PACRG: variants seen among roughly 807,000 people sequenced by gnomAD.
PACRG encodes the protein parkin coregulated gene protein.
Under a neutral mutation model 29.7 loss-of-function variants are expected in PACRG, and 29 were observed. That is an observed-to-expected ratio of 0.98 (90% CI 0.73 to 1.33). The LOEUF (loss-of-function observed/expected upper bound fraction) is 1.33. PACRG is among the 40% of genes most tolerant of loss of function. The pLI is 0.00. For synonymous variants in PACRG, 116 were observed against 118.7 expected (o/e 0.98, Z 0.15); for missense variants, 279 against 316.2 (o/e 0.88, Z 0.89).
chr6:163,008,236 C>T (rs1486921337), intron 2 of PACRG, among the ~76,000 whole-genome samples: 1 of 152,118 alleles, frequency 6.6e-6, no homozygotes, highest in African/African-American at 2.4e-5. Context: ...GAGTATTGCT[C>T]AGGCCCTCAA....
At chr6:163,288,197 T>G (rs1784464462) in intron 4 of PACRG, among the ~76,000 whole-genome samples, 1 of 152,218 alleles carries the variant, frequency 6.6e-6, no homozygotes, top group Admixed American at 6.5e-5. Context: ...GTGTTTGAAG[T>G]GGGGCTGGCG....
intron 2 of PACRG, among the ~76,000 whole-genome samples, chr6:163,018,280 A>G (rs1806289732): frequency 6.6e-6 from 1 of 152,120 alleles, no homozygotes; most frequent in Admixed American, 6.5e-5. Flanking sequence ...AGCCATACTT[A>G]CCCTCCTTGC....
intron 3 of PACRG, among the ~76,000 whole-genome samples, chr6:163,084,974 C>G (rs1195551100): frequency 6.7e-6 from 1 of 149,522 alleles, no homozygotes; most frequent in East Asian, 2.0e-4. Context: ...TGTTTTATTG[C>G]AACCTTCGGC....
intron 2 of PACRG, among the ~76,000 whole-genome samples, chr6:162,935,384 G>C (rs576485680): frequency 8.0e-5 from 11 of 137,204 alleles, no homozygotes; most frequent in Admixed American, 7.9e-4. Flanking sequence ...TCTTCATTCT[G>C]TTTTATTCTT....
At chr6:162,874,237 C>T (rs1055264868) in intron 2 of PACRG, among the ~76,000 whole-genome samples, 1 of 151,536 alleles carries the variant, frequency 6.6e-6, no homozygotes, top group African/African-American at 2.4e-5. Context: ...ACTTCCTCCC[C>T]TCCAAATTCT....
At chr6:162,765,380 C>T (rs1047602956) in intron 1 of PACRG, among the ~76,000 whole-genome samples, 1 of 152,116 alleles carries the variant, frequency 6.6e-6, no homozygotes, top group African/African-American at 2.4e-5. Context: ...CAGTGCAACT[C>T]TACCCCCTTT....
Position 163,204,472 on chromosome 6 carries a change from T to A in PACRG, c.614-110355T>A, listed in dbSNP as rs992146226. On this transcript the variant is annotated intron_variant, in intron 4 of 4. Transcript: ENST00000366888. ...AACACTGACAGAGATGAAACACCCA[T>A]CCCATCTGTTATCCTTGTCCTCTTT... Among the ~76,000 whole-genome samples the A allele has an allele frequency of 4.6e-5, 7 of 152,204 alleles. No individual in the cohort carries two copies. In the South Asian group the frequency reaches 8.3e-4, roughly 18 times the overall value.
intron 2 of PACRG, among the ~76,000 whole-genome samples, chr6:162,909,281 C>T (rs1054896942): frequency 3.3e-5 from 5 of 152,140 alleles, no homozygotes; most frequent in African/African-American, 7.2e-5. Flanking sequence ...CTTGGCCAGG[C>T]GCGGGGGCTC....
chr6:162,778,969 G>A (rs1007870013), intron 1 of PACRG, among the ~76,000 whole-genome samples: 4 of 152,156 alleles, frequency 2.6e-5, no homozygotes, highest in African/African-American at 9.7e-5. Context: ...TGCACAGATG[G>A]ATCCATCCCC....
rs564522701 is a variant in PACRG at position 162,856,520 on chromosome 6, T to C, written c.291+42239T>C. ...GATCAGAGAATCATCCCGAGTCTCC[T>C]GCAGCCCTGGAGCATCTTCTGGTAG... On this transcript the variant is annotated intron_variant, in intron 2 of 4. Transcript: ENST00000366888. Among the ~76,000 whole-genome samples, 6 of 152,330 alleles carry C rather than the reference T, an allele frequency of 3.9e-5. No homozygotes were observed. The East Asian group carries it at 1.2e-3, about 29-fold the overall frequency.
At chr6:162,889,552 G>A (rs889378763) in intron 2 of PACRG, among the ~76,000 whole-genome samples, 1 of 152,188 alleles carries the variant, frequency 6.6e-6, no homozygotes, top group Non-Finnish European at 1.5e-5. Flanking sequence ...ATGCTCTCCA[G>A]TGACTTTTTA....
chr6:162,825,286 T>C (rs1166313926), intron 2 of PACRG, among the ~76,000 whole-genome samples: 1 of 152,194 alleles, frequency 6.6e-6, no homozygotes, highest in Non-Finnish European at 1.5e-5. Context: ...GTGCTTGGGA[T>C]TCAGTCTGAT....
chr6:162,856,137 G>T (rs1302738923), intron 2 of PACRG, among the ~76,000 whole-genome samples: 2 of 152,020 alleles, frequency 1.3e-5, no homozygotes, highest in South Asian at 4.1e-4. Context: ...GCTCAATGCG[G>T]CCTCGAACTT....
chr6:163,099,420 T>C (rs891982528), intron 4 of PACRG, among the ~76,000 whole-genome samples: 5 of 152,156 alleles, frequency 3.3e-5, no homozygotes, highest in Admixed American at 6.5e-5. Flanking sequence ...CAAGAGAAAA[T>C]AGCGTTCTTT....
In PACRG at chr6:163,231,699, C is replaced by T. The variant is rs138561033; in HGVS notation, c.614-83128C>T. Among the ~76,000 whole-genome samples the T allele has an allele frequency of 3.3e-5, 5 of 152,308 alleles. No homozygotes were observed. In the East Asian group the frequency reaches 7.7e-4, roughly 24 times the overall value. ...GCACCCACCAGGTGACTCCTTTTAC[C>T]CTCAACAAACTCCATCTGCCAGTCA... is the stretch of plus-strand genomic sequence containing the variant. On this transcript the variant is annotated intron_variant, in intron 4 of 4. Transcript: ENST00000366888.
At chr6:163,097,870 C>T (rs919639531) in intron 4 of PACRG, among the ~76,000 whole-genome samples, 4 of 152,096 alleles carry the variant, frequency 2.6e-5, no homozygotes, top group East Asian at 1.9e-4. Flanking sequence ...GTAGACTCTC[C>T]GTAAATCTCT....
chr6:162,944,405 A>C (rs958745603), intron 2 of PACRG, among the ~76,000 whole-genome samples: 1 of 152,210 alleles, frequency 6.6e-6, no homozygotes. Context: ...GGACACAAGA[A>C]ACATAAAAAA....
intron 2 of PACRG, among the ~76,000 whole-genome samples, chr6:162,844,972 G>A (rs1038937785): frequency 6.6e-6 from 1 of 152,024 alleles, no homozygotes; most frequent in Non-Finnish European, 1.5e-5. Context: ...AATCCAATGT[G>A]AGTCTGCCTA....
At chr6:162,773,874 T>A (rs1783437654) in intron 1 of PACRG, among the ~76,000 whole-genome samples, 1 of 152,084 alleles carries the variant, frequency 6.6e-6, no homozygotes, top group Non-Finnish European at 1.5e-5. Context: ...TGCTGGAAAA[T>A]CCTTTAAGAA....
Sources: gnomAD v4.1 joint callset for allele counts (sites outside exome capture counted in the v4.1 genomes callset) on GRCh38, gnomAD v4.1.1 for gene constraint, MANE v1.5 for transcripts, NCBI Gene and HGNC (gene_info 2026-07-23, HGNC 2026-07-21) for gene names.